Variants in SPEF2 observed in about 807,000 individuals in gnomAD.
SPEF2 encodes the protein sperm flagella and cilia-associated protein 2.
A neutral mutation model predicts 224.6 loss-of-function variants in SPEF2; 187 were observed. The ratio of observed to expected loss-of-function variants is 0.83; its 90% CI spans 0.74 to 0.94. The LOEUF is 0.94. Among genes scored for constraint, SPEF2 ranks in the 40% least tolerant of loss-of-function variants. The pLI, the probability that SPEF2 is intolerant of heterozygous loss-of-function variation, is 0.00. For synonymous variants in SPEF2, 715 were observed against 707.3 expected, an observed-to-expected ratio of 1.01 and a Z score of -0.17; for missense variants, 2,170 against 2,135.6, an observed-to-expected ratio of 1.02 and a Z score of -0.32.
chr5:35,659,781 AGTAGGCATTG>A (rs1307102240), intron 8 of SPEF2, among the ~76,000 whole-genome samples: 1 of 151,714 alleles, frequency 6.6e-6, no homozygotes, highest in Non-Finnish European at 1.5e-5. Context: ...AGTTTACTAG[AGTAGGCATTG>A]GTATTGGTTA....
chr5:35,759,439 T>C (rs1421312119), intron 24 of SPEF2, 129 bp from the exon 25 acceptor site: 7 of 813,406 alleles, frequency 8.6e-6, no homozygotes, highest in Non-Finnish European at 1.2e-5. Context: ...CTAATGTTCC[T>C]TCTTATTTCC....
chr5:35,737,081 A>C (rs1746736891), intron 21 of SPEF2, among the ~76,000 whole-genome samples: 1 of 152,150 alleles, frequency 6.6e-6, no homozygotes, highest in African/African-American at 2.4e-5. Flanking sequence ...AAATTCTTTG[A>C]AGAAATGCTT....
intron 3 of SPEF2, 197 bp downstream of exon 3, chr5:35,641,880 TC>T: frequency 2.0e-6 from 1 of 501,622 alleles, no homozygotes. Flanking sequence ...CTCTATCCTA[TC>T]CATATTGCCA....
At chr5:35,774,539 T>G (rs1753330404) in intron 28 of SPEF2, among the ~76,000 whole-genome samples, 2 of 152,050 alleles carry the variant, frequency 1.3e-5, no homozygotes, top group Admixed American at 6.6e-5. Flanking sequence ...TGTTCAGAGG[T>G]GTTCTTCTCT....
chr5:35,723,277 A>G (rs1006267255), intron 20 of SPEF2, among the ~76,000 whole-genome samples: 4 of 152,224 alleles, frequency 2.6e-5, no homozygotes, highest in Non-Finnish European at 4.4e-5. Context: ...TAGATCATCT[A>G]TGAGAGCAGA....
At chr5:35,619,483 C>A (rs1743179512) in intron 1 of SPEF2, among the ~76,000 whole-genome samples, 1 of 152,068 alleles carries the variant, frequency 6.6e-6, no homozygotes, top group Non-Finnish European at 1.5e-5. Context: ...GAGTTCGAGA[C>A]CAGCCTGGCC....
Position 35,807,105 on chromosome 5 carries a change from AACTTCATTTTTTTTCTT to A in SPEF2, c.5257-25_5257-9del. The A allele has an allele frequency of 6.3e-7, 1 of 1,597,854 alleles. No homozygotes were observed. Reference sequence around the variant, plus strand: ...CATCTACTGGATTGTGAGGTTGATTAACTTCATTTTTTTTCTTCCTTAAAGGGCTTCATAAAAACATT... The same window carrying A: ...CATCTACTGGATTGTGAGGTTGATTACCTTAAAGGGCTTCATAAAAACATT... On this transcript the variant is annotated splice_polypyrimidine_tract_variant and intron_variant, in intron 35 of 36. Coordinates refer to ENST00000356031, the MANE Select transcript of SPEF2 (RefSeq NM_024867.4).
intron 2 of SPEF2, among the ~76,000 whole-genome samples, chr5:35,639,075 A>G (rs1746236428): frequency 6.6e-6 from 1 of 152,162 alleles, no homozygotes; most frequent in East Asian, 1.9e-4. Context: ...ACAAGGAAAA[A>G]GGAGCCCCAT....
At chr5:35,659,374 G>A (rs1036748324) in intron 8 of SPEF2, among the ~76,000 whole-genome samples, 167 bp downstream of exon 8, 6 of 151,982 alleles carry the variant, frequency 3.9e-5, no homozygotes, top group African/African-American at 4.8e-5. Flanking sequence ...CCATCAACAG[G>A]GCATGTAGCT....
chr5:35,700,303 A>G (rs192226416), intron 15 of SPEF2, 193 bp from the exon 16 acceptor site: 1 of 609,756 alleles, frequency 1.6e-6, no homozygotes, highest in Non-Finnish European at 2.9e-6. Flanking sequence ...GCAGCACAGT[A>G]TCCACAGAAG....
At chr5:35,644,164 G>C (rs112146599) in intron 3 of SPEF2, among the ~76,000 whole-genome samples, 191 bp from the exon 4 acceptor site, 5 of 152,150 alleles carry the variant, frequency 3.3e-5, no homozygotes, top group African/African-American at 1.2e-4. Flanking sequence ...AACCACAAAG[G>C]ATAATGTTTT....
intron 23 of SPEF2, among the ~76,000 whole-genome samples, chr5:35,745,341 G>A (rs1748327149): frequency 6.6e-6 from 1 of 152,172 alleles, no homozygotes; most frequent in African/African-American, 2.4e-5. Flanking sequence ...GGGGGAGGGT[G>A]CACATCCGGT....
intron 17 of SPEF2, among the ~76,000 whole-genome samples, chr5:35,705,064 A>G (rs1241992747): frequency 6.6e-6 from 1 of 152,040 alleles, no homozygotes; most frequent in Non-Finnish European, 1.5e-5. Context: ...GCAATTTGCC[A>G]TTGCAAAGGG....
rs768077049 is a variant in SPEF2 at position 35,629,151 on chromosome 5, C to CTTT, written c.161+613_161+615dup. ...TTTCTGTTTTGTTAATCGATTGTTC[C>CTTT]TTTTTTTTTTTTTTTTTTTTTTTTT... On this transcript the variant is annotated intron_variant, in intron 2 of 36. Transcript: ENST00000356031. Among the ~76,000 whole-genome samples the CTTT allele has an allele frequency of 8.0e-3, 705 of 88,326 alleles. 147 individuals carry two copies. The highest frequency in any genetic ancestry group is 0.04 in the African/African-American group (675 of 16,854). The allele number at this position is 88,326 out of a possible 152,430, so 57.9% of individuals were successfully genotyped here.
At chr5:35,695,187 A>G (rs1755117242) in intron 13 of SPEF2, among the ~76,000 whole-genome samples, 1 of 151,946 alleles carries the variant, frequency 6.6e-6, no homozygotes. Context: ...TTGATTTTTA[A>G]AACTATTATA....
intron 10 of SPEF2, chr5:35,671,327 G>A (rs1751194432): frequency 1.0e-6 from 1 of 956,836 alleles, no homozygotes. Flanking sequence ...ATGAGATTAT[G>A]AGAAATTAAA....
intron 19 of SPEF2, chr5:35,709,425 A>G (rs1740656090): frequency 5.3e-6 from 6 of 1,129,898 alleles, no homozygotes; most frequent in Non-Finnish European, 6.5e-6. Context: ...CAGGCAGATC[A>G]AGAGGATACA....
chr5:35,773,988 AAAG>A lies in SPEF2; in HGVS notation c.4051_4053del (p.Glu1351del), dbSNP rs752850222. The A allele has an allele frequency of 1.5e-5, 25 of 1,613,080 alleles. No homozygotes were observed. Among genetic ancestry groups the A allele is most frequent in the Admixed American group, 6.7e-5 (4 of 59,896 alleles). On this transcript the variant is annotated inframe_deletion, in exon 28 of 37. Coordinates refer to ENST00000356031, the MANE Select transcript of SPEF2 (RefSeq NM_024867.4). ...GAAAAATGAACTGAGGGTCAAAATA[AAAG>A]AAGAACACCTTGCTGCCTTGCAATT...
intron 1 of SPEF2, among the ~76,000 whole-genome samples, chr5:35,624,468 G>T (rs952981210): frequency 6.6e-6 from 1 of 152,134 alleles, no homozygotes; most frequent in African/African-American, 2.4e-5. Context: ...ATAGAGGTGG[G>T]TGTCCTGAAA....
Sources: gnomAD v4.1 joint callset for allele counts (sites outside exome capture counted in the v4.1 genomes callset) on GRCh38, gnomAD v4.1.1 for gene constraint, MANE v1.5 for transcripts, NCBI Gene and HGNC (gene_info 2026-07-23, HGNC 2026-07-21) for gene names.